Variants in MFAP3 observed in about 807,000 individuals in gnomAD.
MFAP3 encodes the protein microfibril associated protein 3.
A neutral mutation model predicts 20.5 loss-of-function variants in MFAP3; 8 were observed. The ratio of observed to expected loss-of-function variants is 0.39; its 90% confidence interval spans 0.23 to 0.70. The LOEUF (loss-of-function observed/expected upper bound fraction) is 0.70, where lower values mean the gene tolerates loss of function less well. Ranked by LOEUF, MFAP3 falls within the 30% of genes least tolerant of loss-of-function variation. The pLI is 0.44. For missense variants in MFAP3, 398 were observed against 444.6 expected, an observed-to-expected ratio of 0.90 and a Z score of 0.94; for synonymous variants, 140 against 154.0, an observed-to-expected ratio of 0.91 and a Z score of 0.67.
chr5:154,041,133 A>C (rs1310798751), intron 1 of MFAP3, among the ~76,000 whole-genome samples: 1 of 142,866 alleles, frequency 7.0e-6, no homozygotes, highest in Admixed American at 7.0e-5. Context: ...CTGACAGAGC[A>C]AAAAAAAAAA....
At chr5:154,052,022 G>T (rs939057352) in intron 2 of MFAP3, 1 of 152,236 alleles carries the variant, frequency 6.6e-6, no homozygotes, top group East Asian at 1.9e-4. Flanking sequence ...ACAAAAGTAG[G>T]AATTATGCAG....
chr5:154,050,019 TA>T lies in MFAP3; in HGVS notation c.295+4del. The T allele has an allele frequency of 1.9e-6, 3 of 1,600,980 alleles. No individual in the cohort carries two copies. Among genetic ancestry groups the T allele is most frequent in the Non-Finnish European group, 2.6e-6 (3 of 1,170,508 alleles). On this transcript the variant is annotated splice_donor_region_variant and intron_variant, in intron 2 of 2. Coordinates refer to ENST00000522782, the MANE Select transcript of MFAP3 (RefSeq NM_005927.5). ...AGCAACTGGATGGCAGAAGCAGAGG[TA>T]ATTGGTCAGGGTATAATTAATCAAG... is the stretch of plus-strand genomic sequence containing the variant.
chr5:154,043,075 C>T (rs1403543500), intron 1 of MFAP3, among the ~76,000 whole-genome samples: 1 of 152,182 alleles, frequency 6.6e-6, no homozygotes, highest in East Asian at 1.9e-4. Flanking sequence ...AGGCTCTTCT[C>T]TTTTTTAAAA....
At chr5:154,042,295 T>C (rs928307110) in intron 1 of MFAP3, among the ~76,000 whole-genome samples, 5 of 152,226 alleles carry the variant, frequency 3.3e-5, no homozygotes, top group Non-Finnish European at 5.9e-5. Flanking sequence ...TCAGCAAATA[T>C]ACCTATGGCA....
At position 154,054,313 on chromosome 5, in the gene MFAP3, A is replaced by C. The variant is rs1773279532; in HGVS notation, c.*600A>C. ...GATGTTTTGCCATGTGGAGCATATAATGATATGTGCAAGATTGAATCTTTT... is the reference window on the plus strand; with the variant it reads ...GATGTTTTGCCATGTGGAGCATATACTGATATGTGCAAGATTGAATCTTTT... On this transcript the variant is annotated 3_prime_UTR_variant, in exon 3 of 3. Coordinates refer to ENST00000522782, the MANE Select transcript of MFAP3 (RefSeq NM_005927.5). The C allele has an allele frequency of 6.0e-6, 1 of 167,764 alleles. No individual in the cohort carries two copies. The allele number at this position is 167,764 out of a possible 1,614,324, so 10.4% of individuals were successfully genotyped here. A position where few individuals can be genotyped will look rare whatever the true frequency, so the allele number is the denominator to read the frequency against.
rs1474156412 is a variant in MFAP3 at position 154,056,117 on chromosome 5, T to C, written c.*2404T>C. ...AAGGTAGACATGTTTAAAATCAAAG[T>C]CCTAAGAAACAGAACTTTGGAAAAA... is the stretch of plus-strand genomic sequence containing the variant. On this transcript the variant is annotated 3_prime_UTR_variant, in exon 3 of 3. Coordinates refer to ENST00000522782, the MANE Select transcript of MFAP3 (RefSeq NM_005927.5). 2.0e-5 allele frequency among the ~76,000 whole-genome samples: 3 copies of C among 152,114 alleles called. No individual in the cohort carries two copies. In the East Asian group the frequency reaches 5.8e-4, roughly 29 times the overall value.
intron 1 of MFAP3, among the ~76,000 whole-genome samples, chr5:154,047,233 C>T (rs1223967205): frequency 2.0e-5 from 3 of 152,144 alleles, no homozygotes; most frequent in East Asian, 3.9e-4. Flanking sequence ...ATGTTGGGTC[C>T]TCCTGTAGCA....
At chr5:154,040,015 A>T (rs958217813) in intron 1 of MFAP3, among the ~76,000 whole-genome samples, 2 of 152,238 alleles carry the variant, frequency 1.3e-5, no homozygotes, top group Non-Finnish European at 2.9e-5. Context: ...CCCTGCTTAA[A>T]TATAAAATGG....
rs2113570710 is a variant in MFAP3, at chr5:154,054,832, G to C, written c.*1119G>C. 1 of 167,078 alleles carries C rather than the reference G, an allele frequency of 6.0e-6. No individual in the cohort carries two copies. The highest frequency in any genetic ancestry group is 1.5e-5 in the Non-Finnish European group (1 of 68,080). The allele number at this position is 167,078 out of a possible 1,614,324, so 10.3% of individuals were successfully genotyped here. On this transcript the variant is annotated 3_prime_UTR_variant, in exon 3 of 3. Transcript: ENST00000522782. ...TTTTGTTGTTGAGGTTTTTATTTTT[G>C]TTTACTTCAGATACATAATTCTGAG...
Position 154,053,188 on chromosome 5 carries a change from T to C in MFAP3, c.564T>C (p.Phe188=), listed in dbSNP as rs376259912. 6.2e-7 allele frequency: 1 copy of C among 1,613,926 alleles called. No homozygotes were observed. Among genetic ancestry groups the C allele is most frequent in the East Asian group, 2.2e-5 (1 of 44,878 alleles). ...CTGAGAAGGCTATCAATGAGTTCTT[T>C]AGAACTGAAGGGGCTGAGAAACTTC... is the stretch of plus-strand genomic sequence containing the variant. The part of the protein sequence containing the change: ...RKTEKAINEF[F]RTEGAEKLQK... Residue 188 remains phenylalanine (F), a synonymous_variant, in exon 3 of 3, where the codon TTT becomes TTC. Transcript: ENST00000522782.
At chr5:154,043,592 T>G (rs1459762170) in intron 1 of MFAP3, among the ~76,000 whole-genome samples, 2 of 151,974 alleles carry the variant, frequency 1.3e-5, no homozygotes, top group Non-Finnish European at 2.9e-5. Flanking sequence ...ATAAAAAATT[T>G]TATCAAGTAA....
At chr5:154,041,971 A>C (rs1309270343) in intron 1 of MFAP3, among the ~76,000 whole-genome samples, 1 of 152,198 alleles carries the variant, frequency 6.6e-6, no homozygotes, top group Admixed American at 6.5e-5. Context: ...AAATGTGAAA[A>C]CTAAGGCCTT....
At chr5:154,039,214 G>C (rs74535736) in intron 1 of MFAP3, 7,390 of 152,256 alleles carry the variant, frequency 0.049, 267 homozygotes, top group Non-Finnish European at 0.071. Context: ...TGGGCTCCAG[G>C]GACACATCAG....
rs1457063922 is a variant in MFAP3, at chr5:154,057,107, T to A, written c.*3394T>A. Among the ~76,000 whole-genome samples the A allele has an allele frequency of 6.6e-6, 1 of 152,182 alleles. No homozygotes were observed. Among genetic ancestry groups the A allele is most frequent in the Non-Finnish European group, 1.5e-5 (1 of 68,024 alleles). ...AGATGGCACAGGAGCACTGCATGCT[T>A]GTTTTCTAGAGCCCAGCCAGTCATG... On this transcript the variant is annotated 3_prime_UTR_variant, in exon 3 of 3. Transcript: ENST00000522782.
At chr5:154,045,627 T>C (rs1210241468) in intron 1 of MFAP3, among the ~76,000 whole-genome samples, 1 of 152,216 alleles carries the variant, frequency 6.6e-6, no homozygotes, top group Admixed American at 6.5e-5. Context: ...CTGTGTTTTA[T>C]GTATACTACC....
At chr5:154,044,828 T>C (rs1773039439) in intron 1 of MFAP3, among the ~76,000 whole-genome samples, 1 of 152,182 alleles carries the variant, frequency 6.6e-6, no homozygotes, top group East Asian at 1.9e-4. Context: ...GTGAACTTAA[T>C]CTTTTTTCTC....
Position 154,049,899 on chromosome 5 carries a change from T to G in MFAP3, c.177T>G (p.Asp59Glu). Residue 59 changes from aspartate to glutamate, a missense_variant, in exon 2 of 3, where the codon GAT (aspartate) becomes GAG (glutamate). Physicochemically the swap from Asp to Glu is conservative, Grantham distance 45. Coordinates refer to ENST00000522782, the MANE Select transcript of MFAP3 (RefSeq NM_005927.5). ...CAGCAAGTTCCCACTCGGATGATGA[T>G]GTCATCATAGCCAAAGAGGGAACTA... ...ELSASSHSDDDVIIAKEGTSV... is the reference protein window; with the variant it reads ...ELSASSHSDDEVIIAKEGTSV... The G allele has an allele frequency of 6.2e-7, 1 of 1,613,372 alleles. No homozygotes were observed. Among genetic ancestry groups the G allele is most frequent in the Non-Finnish European group, 8.5e-7 (1 of 1,179,630 alleles).
chr5:154,040,654 A>T (rs576341845), intron 1 of MFAP3, among the ~76,000 whole-genome samples: 2 of 152,252 alleles, frequency 1.3e-5, no homozygotes, highest in Non-Finnish European at 2.9e-5. Context: ...CAATAAACCT[A>T]TATGCACATT....
chr5:154,044,416 C>T (rs1773029898), intron 1 of MFAP3, among the ~76,000 whole-genome samples: 2 of 152,190 alleles, frequency 1.3e-5, no homozygotes, highest in South Asian at 4.1e-4. Flanking sequence ...CCAGTGTTTT[C>T]TCTCACAGCT....
Sources: allele counts gnomAD v4.1 joint callset (sites outside exome capture counted in the v4.1 genomes callset), GRCh38; gene constraint gnomAD v4.1.1; transcripts MANE v1.5; gene names NCBI Gene and HGNC (gene_info 2026-07-23, HGNC 2026-07-21).